The following RAD51B variants were observed in gnomAD, a reference collection of about 807,000 sequenced individuals.
RAD51B encodes the protein RAD51 paralog B.
Under a neutral mutation model 42.2 loss-of-function variants are expected in RAD51B, and 38 were observed. The ratio of observed to expected loss-of-function variants is 0.90; its 90% CI spans 0.70 to 1.18. The LOEUF is 1.18. RAD51B is among the 50% of genes most tolerant of loss of function. The pLI is 0.00. For synonymous variants in RAD51B, 154 were observed against 145.2 expected (o/e 1.06, Z -0.43); for missense variants, 373 against 400.7 (o/e 0.93, Z 0.59).
intron 4 of RAD51B, among the ~76,000 whole-genome samples, chr14:67,864,059 G>GAA (rs768904725): frequency 6.6e-6 from 1 of 151,858 alleles, no homozygotes; most frequent in African/African-American, 2.4e-5. Flanking sequence ...GAGAGAGAGA[G>GAA]AAAGAGAAAG....
chr14:68,356,092 A>G (rs1566829325), intron 8 of RAD51B, among the ~76,000 whole-genome samples: 1 of 152,184 alleles, frequency 6.6e-6, no homozygotes, highest in Non-Finnish European at 1.5e-5. Flanking sequence ...CAATAAAGTA[A>G]ATATTGCAAT....
chr14:68,273,467 T>G (rs1319270629), intron 7 of RAD51B, among the ~76,000 whole-genome samples: 1 of 152,242 alleles, frequency 6.6e-6, no homozygotes, highest in Non-Finnish European at 1.5e-5. Context: ...AGTTCCCCTT[T>G]AAGGCAAATT....
intron 10 of RAD51B, among the ~76,000 whole-genome samples, chr14:68,580,035 C>A (rs928001782): frequency 5.9e-5 from 9 of 152,232 alleles, no homozygotes; most frequent in Non-Finnish European, 8.8e-5. Flanking sequence ...CAGCATGGAG[C>A]TTCGAAGGGG....
chr14:68,004,287 C>T (rs949483255), intron 7 of RAD51B, among the ~76,000 whole-genome samples: 10 of 145,062 alleles, frequency 6.9e-5, no homozygotes, highest in Middle Eastern at 3.6e-3. Context: ...GAGCTGAGAT[C>T]GCGCCACTGC....
intron 9 of RAD51B, among the ~76,000 whole-genome samples, chr14:68,432,437 G>C (rs931219957): frequency 6.6e-6 from 1 of 152,182 alleles, no homozygotes; most frequent in Admixed American, 6.5e-5. Context: ...GGGTGCTCCT[G>C]TATTGGGTGC....
intron 10 of RAD51B, among the ~76,000 whole-genome samples, chr14:68,552,800 A>G (rs1195697073): frequency 6.6e-6 from 1 of 152,150 alleles, no homozygotes; most frequent in Non-Finnish European, 1.5e-5. Flanking sequence ...CTTTGCTTCT[A>G]GTCCTTACAT....
rs1184524240 is a variant in RAD51B at position 67,825,597 on chromosome 14, T to C, written c.198+20T>C. On this transcript the variant is annotated intron_variant, in intron 3 of 10. Coordinates refer to ENST00000471583, the MANE Select transcript of RAD51B (RefSeq NM_133510.4). ...CAAACGGTATATTTATATTTTATTA[T>C]GATTTGATTATGAATGATTCCTCAT... 1.3e-6 allele frequency: 2 copies of C among 1,532,458 alleles called. No homozygotes were observed. The highest frequency in any genetic ancestry group is 1.8e-6 in the Non-Finnish European group (2 of 1,121,142). 94.9% of individuals were successfully genotyped at this position (1,532,458 alleles called of 1,614,324 possible).
chr14:68,583,377 C>G (rs983000850), intron 10 of RAD51B, among the ~76,000 whole-genome samples: 1 of 152,176 alleles, frequency 6.6e-6, no homozygotes, highest in Non-Finnish European at 1.5e-5. Context: ...GAGACTCCCC[C>G]ACATACTTTT....
intron 7 of RAD51B, among the ~76,000 whole-genome samples, chr14:68,040,655 TAAATG>T (rs749849035): frequency 1.3e-5 from 2 of 152,218 alleles, no homozygotes; most frequent in Non-Finnish European, 2.9e-5. Flanking sequence ...CTCTATTCAG[TAAATG>T]AAGACACCAA....
chr14:68,657,341 G>A (rs746791069), intron 11 of RAD51B, among the ~76,000 whole-genome samples: 11 of 152,232 alleles, frequency 7.2e-5, no homozygotes, highest in South Asian at 2.1e-4. Flanking sequence ...CAGTTTCCCC[G>A]TCATTTAACA....
intron 11 of RAD51B, among the ~76,000 whole-genome samples, chr14:68,675,148 G>A (rs753101962): frequency 3.3e-5 from 5 of 152,174 alleles, no homozygotes; most frequent in Admixed American, 6.5e-5. Context: ...GACAAAGGTA[G>A]CAGGTAGACA....
At chr14:68,634,604 G>C (rs1054677353) in intron 10 of RAD51B, among the ~76,000 whole-genome samples, 1 of 152,044 alleles carries the variant, frequency 6.6e-6, no homozygotes, top group Admixed American at 6.6e-5. Context: ...CAGAGCCACC[G>C]AAACCCTCCC....
At chr14:68,260,931 A>G (rs1469342956) in intron 7 of RAD51B, among the ~76,000 whole-genome samples, 2 of 152,256 alleles carry the variant, frequency 1.3e-5, no homozygotes, top group Non-Finnish European at 2.9e-5. Context: ...TACATTAAGT[A>G]CATTCACAAC....
chr14:68,440,858 T>TG (rs1238212855), intron 9 of RAD51B, among the ~76,000 whole-genome samples: 1 of 152,234 alleles, frequency 6.6e-6, no homozygotes, highest in Non-Finnish European at 1.5e-5. Context: ...AGGGAACAGC[T>TG]GAAACCTCAT....
chr14:68,443,051 G>T (rs544241353), intron 9 of RAD51B, among the ~76,000 whole-genome samples: 2 of 152,158 alleles, frequency 1.3e-5, no homozygotes, highest in Non-Finnish European at 2.9e-5. Context: ...GGTTTCTTTC[G>T]ATGTTTACTT....
intron 10 of RAD51B, among the ~76,000 whole-genome samples, chr14:68,629,892 AAAT>A (rs1892184579): frequency 6.6e-6 from 1 of 152,258 alleles, no homozygotes; most frequent in Non-Finnish European, 1.5e-5. Flanking sequence ...CTAACTTTGC[AAAT>A]GAAGGAACTT....
intron 10 of RAD51B, among the ~76,000 whole-genome samples, chr14:68,523,239 C>T (rs776475228): frequency 6.6e-6 from 1 of 152,118 alleles, no homozygotes; most frequent in Non-Finnish European, 1.5e-5. Flanking sequence ...CAGAGGAGAG[C>T]AAGTGGCCCT....
intron 8 of RAD51B, among the ~76,000 whole-genome samples, chr14:68,358,600 A>G (rs2082955577): frequency 6.6e-6 from 1 of 151,974 alleles, no homozygotes; most frequent in Non-Finnish European, 1.5e-5. Flanking sequence ...TGTTTGCTTT[A>G]CTTTGATTAC....
At chr14:67,829,011 T>G (rs1233541324) in intron 3 of RAD51B, among the ~76,000 whole-genome samples, 1 of 152,192 alleles carries the variant, frequency 6.6e-6, no homozygotes, top group Non-Finnish European at 1.5e-5. Flanking sequence ...CTTTTTAAAA[T>G]TCTGTGAAGA....
Sources: gnomAD v4.1 joint callset for allele counts (sites outside exome capture counted in the v4.1 genomes callset) on GRCh38, gnomAD v4.1.1 for gene constraint, MANE v1.5 for transcripts, NCBI Gene and HGNC (gene_info 2026-07-23, HGNC 2026-07-21) for gene names.